The following NAXE variants were observed in gnomAD, a reference collection of about 807,000 sequenced individuals.
NAXE encodes the protein NAD(P)H-hydrate epimerase.
Under a neutral mutation model 31.2 loss-of-function variants are expected in NAXE, and 25 were observed. The observed-to-expected ratio is 0.80, with a 90% CI of 0.58 to 1.12. NAXE has a LOEUF of 1.12. Among genes scored for constraint, NAXE ranks in the 50% most tolerant of loss-of-function variants. The pLI is 0.00. For missense variants in NAXE, 362 were observed against 376.1 expected (o/e 0.96, Z 0.31); for synonymous variants, 144 against 154.5 (o/e 0.93, Z 0.50).
chr1:156,593,259 A>AT, intron 4 of NAXE, 149 bp from the exon 5 acceptor site: 1 of 1,050,690 alleles, frequency 9.5e-7, no homozygotes, highest in Non-Finnish European at 1.3e-6. Context: ...TGACCAACTC[A>AT]CACTTTCTCT....
At chr1:156,592,741 T>A in intron 4 of NAXE, 71 bp downstream of exon 4, 1 of 1,417,390 alleles carries the variant, frequency 7.1e-7, no homozygotes, top group Non-Finnish European at 9.8e-7. Context: ...CCTTCGTGTT[T>A]CCAGGCTGAG....
At position 156,594,211 on chromosome 1, in the gene NAXE, GA is replaced by G. The variant is rs1677430033; in HGVS notation, c.*128del. ...GTGGAAGTCAGAGACCAACCCTGGG[GA>G]TTGGGTGCCATCTCTCTAGGGGTAA... On this transcript the variant is annotated 3_prime_UTR_variant, in exon 6 of 6. Transcript: ENST00000368235. 1.1e-6 allele frequency: 1 copy of G among 944,338 alleles called. No individual in the cohort carries two copies. Among genetic ancestry groups the G allele is most frequent in the South Asian group, 1.6e-5 (1 of 62,042 alleles). The allele number at this position is 944,338 out of a possible 1,614,324, so 58.5% of individuals were successfully genotyped here. A position where few individuals can be genotyped will look rare whatever the true frequency, so the allele number is the denominator to read the frequency against.
Position 156,594,184 on chromosome 1 carries a change from TG to T in NAXE, c.*102del. On this transcript the variant is annotated 3_prime_UTR_variant, in exon 6 of 6. Coordinates refer to ENST00000368235, the MANE Select transcript of NAXE (RefSeq NM_144772.3). ...TCCTCTGGCAATAAAAGTCAGTGAATGGTGGAAGTCAGAGACCAACCCTGGG... is the reference window on the plus strand; with the variant it reads ...TCCTCTGGCAATAAAAGTCAGTGAATGTGGAAGTCAGAGACCAACCCTGGG... The T allele has an allele frequency of 7.5e-7, 1 of 1,328,932 alleles. No individual in the cohort carries two copies. The allele number at this position is 1,328,932 out of a possible 1,614,324, so 82.3% of individuals were successfully genotyped here.
rs7516274 is a variant in NAXE at position 156,591,859 on chromosome 1, G to C, written c.55G>C (p.Val19Leu). The change falls in exon 1 of 6, where the codon GTG becomes CTG. Residue 19 changes from valine (V) to leucine (L), a missense_variant. Val to Leu is a conservative substitution (Grantham distance 32). Transcript: ENST00000368235. ...CGGGCTGCTGGTTGCGGGCTCGCGCGTGCCGCGGATCAAAAGCCAGACCAT... is the reference window on the plus strand; with the variant it reads ...CGGGCTGCTGGTTGCGGGCTCGCGCCTGCCGCGGATCAAAAGCCAGACCAT... ...GLGLLVAGSR[V>L]PRIKSQTIAC... 0.96 allele frequency: 1,551,836 copies of C among 1,611,320 alleles called. 747,940 individuals are homozygous for C. Among genetic ancestry groups the C allele is most frequent in the East Asian group, 0.98 (43,856 of 44,822 alleles).
intron 4 of NAXE, chr1:156,592,998 C>T: frequency 2.4e-6 from 1 of 408,768 alleles, no homozygotes; most frequent in Non-Finnish European, 4.4e-6. Flanking sequence ...GAAACCCTTC[C>T]TGCAGATGCA....
Position 156,593,898 on chromosome 1 carries a change from G to A in NAXE, c.681G>A (p.Lys227=), listed in dbSNP as rs1200922793. 6.2e-7 allele frequency: 1 copy of A among 1,614,122 alleles called. No individual in the cohort carries two copies. The highest frequency in any genetic ancestry group is 1.1e-5 in the South Asian group (1 of 91,072). The change falls in exon 6 of 6, where the codon AAG becomes AAA. Residue 227 remains lysine, a synonymous_variant. Transcript: ENST00000368235. ...IDIPSGWDVE[K]GNAGGIQPDL... ...TCTTTTCAGGATGGGACGTGGAGAA[G>A]GGAAATGCTGGAGGGATCCAGCCAG...
chr1:156,592,164 A>G lies in NAXE; in HGVS notation c.246A>G (p.Gln82=), dbSNP rs571394855. Residue 82 remains glutamine (Q), a synonymous_variant, in exon 2 of 6, where the codon CAA becomes CAG. Coordinates refer to ENST00000368235, the MANE Select transcript of NAXE (RefSeq NM_144772.3). The part of the protein sequence containing the change: ...LFNEYQFSVD[Q]LMELAGLSCA... ...ACGAATACCAGTTCAGCGTGGACCA[A>G]CTTATGGAACTGGCCGGGCTGAGCT... 2.5e-6 allele frequency: 4 copies of G among 1,614,236 alleles called. No homozygotes were observed. Among genetic ancestry groups the G allele is most frequent in the East Asian group, 2.2e-5 (1 of 44,874 alleles).
In NAXE at chr1:156,594,130, C is replaced by A; in HGVS notation, c.*46C>A. ...TTCCCAATAAAGACTTAGAGCCCCT[C>A]TCTTCCAGAACTGTGGATTCCTGGG... is the stretch of plus-strand genomic sequence containing the variant. On this transcript the variant is annotated 3_prime_UTR_variant, in exon 6 of 6. Transcript: ENST00000368235. The A allele has an allele frequency of 6.3e-7, 1 of 1,593,418 alleles. No individual in the cohort carries two copies. The highest frequency in any genetic ancestry group is 1.3e-5 in the African/African-American group (1 of 74,654).
At chr1:156,592,955 T>G in intron 4 of NAXE, 1 of 462,054 alleles carries the variant, frequency 2.2e-6, no homozygotes. Flanking sequence ...ACACATGATC[T>G]ACCCCTCAGG....
chr1:156,591,867 G>C lies in NAXE; in HGVS notation c.63G>C (p.Arg21=). The change falls in exon 1 of 6, where the codon CGG becomes CGC. Residue 21 remains arginine, a synonymous_variant. Coordinates refer to ENST00000368235, the MANE Select transcript of NAXE (RefSeq NM_144772.3). ...TGGTTGCGGGCTCGCGCGTGCCGCGGATCAAAAGCCAGACCATCGCCTGTC... is the reference window on the plus strand; with the variant it reads ...TGGTTGCGGGCTCGCGCGTGCCGCGCATCAAAAGCCAGACCATCGCCTGTC... ...GLLVAGSRVP[R]IKSQTIACRS... The C allele has an allele frequency of 6.2e-7, 1 of 1,612,022 alleles. No homozygotes were observed. Among genetic ancestry groups the C allele is most frequent in the Non-Finnish European group, 8.5e-7 (1 of 1,179,626 alleles).
At chr1:156,593,219 A>T in intron 4 of NAXE, 189 bp from the exon 5 acceptor site, 2 of 678,620 alleles carry the variant, frequency 2.9e-6, no homozygotes, top group Non-Finnish European at 4.5e-6. Flanking sequence ...GAGAACAAAA[A>T]CTGTCTGGTC....
chr1:156,592,533 G>A (rs758972928), intron 3 of NAXE, 24 bp from the exon 4 acceptor site: 2 of 1,613,640 alleles, frequency 1.2e-6, no homozygotes, highest in Non-Finnish European at 1.7e-6. Context: ...GGGATCTGGG[G>A]TTGAATTACC....
intron 2 of NAXE, 48 bp downstream of exon 2, chr1:156,592,257 C>T: frequency 6.2e-7 from 1 of 1,608,924 alleles, no homozygotes; most frequent in Middle Eastern, 2.0e-4. Context: ...GGAGGAGTCA[C>T]TGTCCCAGCC....
In NAXE at chr1:156,592,650, C is replaced by G. The variant is rs527703986; in HGVS notation, c.496C>G (p.Leu166Val). The G allele has an allele frequency of 6.2e-7, 1 of 1,614,072 alleles. No individual in the cohort carries two copies. Among genetic ancestry groups the G allele is most frequent in the African/African-American group, 1.3e-5 (1 of 75,044 alleles). ...TQCQKMDIPF[L>V]GEMPAEPMTI... ...GTGTCAGAAAATGGACATCCCTTTCCTTGGGGAAATGCCCGCAGAGGTAGG... is the reference window on the plus strand; with the variant it reads ...GTGTCAGAAAATGGACATCCCTTTCGTTGGGGAAATGCCCGCAGAGGTAGG... The change falls in exon 4 of 6, where the codon CTT (leucine) becomes GTT (valine). Residue 166 changes from leucine to valine, a missense_variant. Physicochemically the swap from Leu to Val is conservative, Grantham distance 32. Coordinates refer to ENST00000368235, the MANE Select transcript of NAXE (RefSeq NM_144772.3).
At chr1:156,593,759 G>A (rs372981722) in intron 5 of NAXE, 123 bp from the exon 6 acceptor site, 11 of 1,341,750 alleles carry the variant, frequency 8.2e-6, no homozygotes, top group East Asian at 2.3e-5. Flanking sequence ...CGTGGAGCTC[G>A]TTGGACGAGA....
chr1:156,592,474 T>G lies in NAXE; in HGVS notation c.401T>G (p.Phe134Cys). ...GLVCARHLKLFGYEPTIYYPK... is the reference protein window; with the variant it reads ...GLVCARHLKLCGYEPTIYYPK... ...GTCTGTGCTCGACACCTCAAACTCT[T>G]TGTGAGTATGTGGGGAGGGGCTGTG... The change falls in exon 3 of 6, where the codon TTT becomes TGT. Residue 134 changes from phenylalanine to cysteine, a missense_variant and splice_region_variant. Coordinates refer to ENST00000368235, the MANE Select transcript of NAXE (RefSeq NM_144772.3). The G allele has an allele frequency of 6.2e-7, 1 of 1,613,938 alleles. No homozygotes were observed.
Position 156,592,799 on chromosome 1 carries a change from A to T in NAXE, c.516+129A>T, listed in dbSNP as rs114351209. 2,852 of 809,436 alleles carry T rather than the reference A, an allele frequency of 3.5e-3. 66 individuals carry two copies. The African/African-American group carries it at 0.045, about 13-fold the overall frequency. The allele number at this position is 809,436 out of a possible 1,614,324, so 50.1% of individuals were successfully genotyped here. On this transcript the variant is annotated intron_variant, in intron 4 of 5. Coordinates refer to ENST00000368235, the MANE Select transcript of NAXE (RefSeq NM_144772.3). ...AAGGTGCCTAACGGATGGTATTCGAATAAGTGTGCAAGAGCCTTCTCCTCC... is the reference window on the plus strand; with the variant it reads ...AAGGTGCCTAACGGATGGTATTCGATTAAGTGTGCAAGAGCCTTCTCCTCC...
chr1:156,592,293 G>C (rs1677348645), intron 2 of NAXE, 72 bp from the exon 3 acceptor site: 1 of 1,603,664 alleles, frequency 6.2e-7, no homozygotes, highest in Non-Finnish European at 8.5e-7. Context: ...AAAGGGGTGG[G>C]AGAGACAGCT....
chr1:156,591,853 T>C lies in NAXE; in HGVS notation c.49T>C (p.Ser17Pro), dbSNP rs746558229. 1 of 1,610,634 alleles carries C rather than the reference T, an allele frequency of 6.2e-7. No individual in the cohort carries two copies. Among genetic ancestry groups the C allele is most frequent in the Non-Finnish European group, 8.5e-7 (1 of 1,179,388 alleles). Reference sequence around the variant, plus strand: ...GGGCCTCGGGCTGCTGGTTGCGGGCTCGCGCGTGCCGCGGATCAAAAGCCA... The same window carrying C: ...GGGCCTCGGGCTGCTGGTTGCGGGCCCGCGCGTGCCGCGGATCAAAAGCCA... The part of the protein sequence containing the change: ...LLGLGLLVAG[S>P]RVPRIKSQTI... Residue 17 changes from serine (S) to proline (P), a missense_variant, in exon 1 of 6, where the codon TCG (serine) becomes CCG (proline). Transcript: ENST00000368235.
Sources: gnomAD v4.1 joint callset for allele counts on GRCh38, gnomAD v4.1.1 for gene constraint, MANE v1.5 for transcripts, NCBI Gene and HGNC (gene_info 2026-07-23, HGNC 2026-07-21) for gene names.